Variants in FGD4 observed in about 807,000 individuals in gnomAD.
FGD4 encodes the protein FYVE, RhoGEF and PH domain-containing protein 4.
FGD4 carries 42 observed loss-of-function variants against 102.0 expected under a neutral mutation model. The observed-to-expected ratio is 0.41, with a 90% CI of 0.32 to 0.53. The LOEUF is 0.53. Among genes scored for constraint, FGD4 ranks in the 20% least tolerant of loss-of-function variants. The probability of loss-of-function intolerance (pLI) is 0.21; values close to 1 mark genes in which losing one functional copy is unlikely to be tolerated. For missense variants in FGD4, 902 were observed against 1,078.2 expected (o/e 0.84, Z 2.29); for synonymous variants, 380 against 375.7 (o/e 1.01, Z -0.13).
rs577949909 is a variant in FGD4, at chr12:32,591,410, TGAA to T, written c.1012-7084_1012-7082del. Among the ~76,000 whole-genome samples, 3 of 152,374 alleles carry T rather than the reference TGAA, an allele frequency of 2.0e-5. No individual in the cohort carries two copies. In the East Asian group the frequency reaches 5.8e-4, roughly 29 times the overall value. Reference sequence around the variant, plus strand: ...TGAAATCACATATGAGAACATGTGCTGAAGAGTCATAAAGAATAATATTGTCTG... The same window carrying T: ...TGAAATCACATATGAGAACATGTGCTGAGTCATAAAGAATAATATTGTCTG... On this transcript the variant is annotated intron_variant, in intron 4 of 16. Transcript: ENST00000534526.
At chr12:32,467,523 A>G (rs540169396) in intron 1 of FGD4, among the ~76,000 whole-genome samples, 59 of 152,372 alleles carry the variant, frequency 3.9e-4, no homozygotes, top group African/African-American at 1.3e-3. Flanking sequence ...ATTGTCTCAT[A>G]TAAACCTTGA....
intron 1 of FGD4, among the ~76,000 whole-genome samples, chr12:32,556,252 T>A (rs1944111799): frequency 6.6e-6 from 1 of 152,166 alleles, no homozygotes; most frequent in Admixed American, 6.5e-5. Context: ...TGCTTTAAAA[T>A]TTTTTTTAAT....
intron 4 of FGD4, among the ~76,000 whole-genome samples, chr12:32,594,423 A>G (rs1947711121): frequency 6.6e-6 from 1 of 152,216 alleles, no homozygotes; most frequent in African/African-American, 2.4e-5. Flanking sequence ...GCAGGAAAAC[A>G]AGATCAGGTC....
chr12:32,470,917 T>C (rs1252298184), intron 1 of FGD4, among the ~76,000 whole-genome samples: 1 of 152,218 alleles, frequency 6.6e-6, no homozygotes, highest in Non-Finnish European at 1.5e-5. Flanking sequence ...TGCTGACATG[T>C]CCCATCCTTG....
rs889485398 is a variant in FGD4, at chr12:32,645,369, A to C, written c.*4836A>C. 1 of 152,190 alleles carries C rather than the reference A, an allele frequency of 6.6e-6. No homozygotes were observed. Among genetic ancestry groups the C allele is most frequent in the Non-Finnish European group, 1.5e-5 (1 of 68,046 alleles). 9.4% of individuals were successfully genotyped at this position (152,190 alleles called of 1,614,324 possible). ...ATTTTAAAATAAGCATAGGCCGGGC[A>C]TAGTGGCTCATGCCTGTAATCCCAG... is the stretch of plus-strand genomic sequence containing the variant. On this transcript the variant is annotated 3_prime_UTR_variant, in exon 17 of 17. Transcript: ENST00000534526.
chr12:32,497,656 C>T (rs970787073), intron 1 of FGD4, among the ~76,000 whole-genome samples: 2 of 151,980 alleles, frequency 1.3e-5, no homozygotes, highest in Non-Finnish European at 2.9e-5. Context: ...TCGGAAAGCA[C>T]GGAAAGAGAA....
chr12:32,587,878 T>A (rs1358165636), intron 4 of FGD4, among the ~76,000 whole-genome samples: 1 of 152,114 alleles, frequency 6.6e-6, no homozygotes. Context: ...ATTAAGCAAG[T>A]GGAACTGTGG....
At chr12:32,605,790 C>T (rs1948736651) in intron 7 of FGD4, among the ~76,000 whole-genome samples, 1 of 152,174 alleles carries the variant, frequency 6.6e-6, no homozygotes, top group African/African-American at 2.4e-5. Context: ...TGTTACATGT[C>T]TTCATTCTCT....
intron 1 of FGD4, among the ~76,000 whole-genome samples, chr12:32,466,589 C>T (rs546514059): frequency 3.3e-5 from 5 of 151,914 alleles, no homozygotes; most frequent in Non-Finnish European, 5.9e-5. Context: ...CAATCATGGC[C>T]GGGCGCGGTG....
chr12:32,541,371 A>T (rs1233202531), intron 1 of FGD4, among the ~76,000 whole-genome samples: 1 of 152,108 alleles, frequency 6.6e-6, no homozygotes. Flanking sequence ...TGGGGTTTAT[A>T]GTAATGTTTT....
At chr12:32,412,474 T>C (rs1349023960) in intron 1 of FGD4, among the ~76,000 whole-genome samples, 2 of 152,094 alleles carry the variant, frequency 1.3e-5, no homozygotes, top group African/African-American at 4.8e-5. Context: ...CTCCTTCAAT[T>C]GGAAGTTATG....
intron 1 of FGD4, among the ~76,000 whole-genome samples, chr12:32,417,555 T>A (rs1169383104): frequency 1.3e-5 from 2 of 151,950 alleles, no homozygotes; most frequent in African/African-American, 4.8e-5. Context: ...CCTCCCAGGT[T>A]AAAGTGATTC....
At chr12:32,509,241 C>CTT (rs35053299) in intron 1 of FGD4, among the ~76,000 whole-genome samples, 11,301 of 132,558 alleles carry the variant, frequency 0.085, 539 homozygotes, top group African/African-American at 0.12. Flanking sequence ...CTTTTATTCT[C>CTT]TTTTTTTTTT....
chr12:32,630,796 C>T (rs1301856483), intron 14 of FGD4, among the ~76,000 whole-genome samples: 2 of 142,354 alleles, frequency 1.4e-5, no homozygotes, highest in African/African-American at 5.5e-5. Context: ...AGCCTGGCAA[C>T]AGAGTGAGAC....
intron 2 of FGD4, among the ~76,000 whole-genome samples, chr12:32,565,657 T>C (rs1156753005): frequency 1.3e-5 from 2 of 152,206 alleles, no homozygotes; most frequent in African/African-American, 4.8e-5. Context: ...GTCAGTGTAT[T>C]GAGAGATATA....
chr12:32,640,436 T>G lies in FGD4; in HGVS notation c.2615T>G (p.Ile872Ser). The change falls in exon 17 of 17, where the codon ATC becomes AGC. Residue 872 changes from isoleucine to serine, a missense_variant. Physicochemically the swap from Ile to Ser is moderately radical, Grantham distance 142. Coordinates refer to ENST00000534526, the MANE Select transcript of FGD4 (RefSeq NM_001370298.3). ...EELKQKWLKVILLAVTGETPG... is the reference protein window; with the variant it reads ...EELKQKWLKVSLLAVTGETPG... Reference sequence around the variant, plus strand: ...CTGAAGCAGAAGTGGCTGAAAGTCATCCTTTTAGCTGTCACAGGTGAGACA... The same window carrying G: ...CTGAAGCAGAAGTGGCTGAAAGTCAGCCTTTTAGCTGTCACAGGTGAGACA... The G allele has an allele frequency of 3.7e-6, 6 of 1,614,060 alleles. No individual in the cohort carries two copies. Among genetic ancestry groups the G allele is most frequent in the Non-Finnish European group, 4.2e-6 (5 of 1,180,008 alleles).
chr12:32,446,269 C>T (rs1007951176), intron 1 of FGD4, among the ~76,000 whole-genome samples: 1 of 151,906 alleles, frequency 6.6e-6, no homozygotes, highest in Admixed American at 6.6e-5. Context: ...TTTTTTTAAC[C>T]CCACTCATTA....
chr12:32,432,051 ATTTTTTTTTTTT>A (rs60933809), intron 1 of FGD4, among the ~76,000 whole-genome samples: 107 of 107,714 alleles, frequency 9.9e-4, no homozygotes, highest in African/African-American at 2.0e-3. Flanking sequence ...TAATCCTAGC[ATTTTTTTTTTTT>A]TTTTTTTTTT....
chr12:32,579,819 T>A (rs1946458290), intron 3 of FGD4, among the ~76,000 whole-genome samples: 1 of 152,234 alleles, frequency 6.6e-6, no homozygotes, highest in South Asian at 2.1e-4. Flanking sequence ...CAATTTATCC[T>A]TTCTTTCCTC....
Sources: allele counts gnomAD v4.1 joint callset (sites outside exome capture counted in the v4.1 genomes callset), GRCh38; gene constraint gnomAD v4.1.1; transcripts MANE v1.5; gene names NCBI Gene and HGNC (gene_info 2026-07-23, HGNC 2026-07-21).